The following DDX59 variants were observed in gnomAD, a reference collection of about 807,000 sequenced individuals.
DDX59 encodes DEAD-box helicase 59.
Under a neutral mutation model 51.9 loss-of-function variants are expected in DDX59, and 30 were observed. The observed-to-expected ratio is 0.58, with a 90% CI of 0.43 to 0.78. DDX59 has a LOEUF of 0.78. Ranked by LOEUF, DDX59 falls within the 30% of genes least tolerant of loss-of-function variation. The pLI is 0.00. For synonymous variants in DDX59, 255 were observed against 253.3 expected, an observed-to-expected ratio of 1.01 and a Z score of -0.06; for missense variants, 672 against 730.8, an observed-to-expected ratio of 0.92 and a Z score of 0.93.
chr1:200,661,579 T>TA (rs1295153590), intron 3 of DDX59, among the ~76,000 whole-genome samples: 2 of 152,206 alleles, frequency 1.3e-5, no homozygotes, highest in East Asian at 3.8e-4. Flanking sequence ...AAGTGGCTTG[T>TA]AAACCTTAAA....
Position 200,650,585 on chromosome 1 carries a change from G to A in DDX59, c.1154C>T (p.Ala385Val). The A allele has an allele frequency of 1.9e-6, 3 of 1,613,974 alleles. No homozygotes were observed. The highest frequency in any genetic ancestry group is 2.5e-6 in the Non-Finnish European group (3 of 1,179,954). The part of the protein sequence containing the change: ...PNDCQTILVS[A>V]TIPTSIEQLA... ...CTGTTCTATGCTAGTTGGAATTGTG[G>A]CTGAAACCAAAATGGTCTGACAATC... The change falls in exon 5 of 8, where the codon GCC becomes GTC. Residue 385 changes from alanine to valine, a missense_variant. Coordinates refer to ENST00000331314, the MANE Select transcript of DDX59 (RefSeq NM_001031725.6).
At chr1:200,657,497 C>A (rs1011654414) in intron 4 of DDX59, among the ~76,000 whole-genome samples, 14 of 152,084 alleles carry the variant, frequency 9.2e-5, no homozygotes, top group African/African-American at 3.4e-4. Context: ...CACCTGTAAT[C>A]CCAGCACCTT....
intron 3 of DDX59, among the ~76,000 whole-genome samples, chr1:200,661,950 T>C (rs1662401825): frequency 6.6e-6 from 1 of 152,106 alleles, no homozygotes; most frequent in African/African-American, 2.4e-5. Context: ...TCATGATAGT[T>C]CTTGTGAGAT....
At chr1:200,662,337 GA>G (rs1009515880) in intron 3 of DDX59, among the ~76,000 whole-genome samples, 8 of 151,734 alleles carry the variant, frequency 5.3e-5, no homozygotes, top group African/African-American at 1.2e-4. Context: ...GGTTTGGGAG[GA>G]AAAAAAAGTT....
chr1:200,641,180 A>C (rs1484460885), downstream of DDX59: 1 of 1,304,744 alleles, frequency 7.7e-7, no homozygotes, highest in Admixed American at 2.3e-5. Flanking sequence ...GATTGTGGTG[A>C]GTAGACTGTA....
chr1:200,662,638 T>C (rs542680534), intron 3 of DDX59, among the ~76,000 whole-genome samples: 3 of 152,286 alleles, frequency 2.0e-5, no homozygotes, highest in African/African-American at 7.2e-5. Context: ...CCTGGGCAAC[T>C]AGAGACTAAC....
At chr1:200,654,142 G>A (rs535445829) in intron 4 of DDX59, among the ~76,000 whole-genome samples, 1 of 152,204 alleles carries the variant, frequency 6.6e-6, no homozygotes, top group Non-Finnish European at 1.5e-5. Context: ...GGCCGGGCGT[G>A]GTGGCTCAAG....
At chr1:200,668,849 A>G (rs1321731878) in intron 1 of DDX59, among the ~76,000 whole-genome samples, 1 of 152,220 alleles carries the variant, frequency 6.6e-6, no homozygotes, top group Non-Finnish European at 1.5e-5. Flanking sequence ...TAGCCTGAAC[A>G]TTCCTTTTTA....
rs1244486206 is a variant in DDX59, at chr1:200,666,170, T to C, written c.571A>G (p.Ile191Val). 2 of 1,614,188 alleles carry C rather than the reference T, an allele frequency of 1.2e-6. No homozygotes were observed. Among genetic ancestry groups the C allele is most frequent in the Non-Finnish European group, 8.5e-7 (1 of 1,180,026 alleles). ...GTGACTTCTTGCCCTTGAACTAAAATTCCCAGCTGCTGTTTAAGATTTTCA... is the reference window on the plus strand; with the variant it reads ...GTGACTTCTTGCCCTTGAACTAAAACTCCCAGCTGCTGTTTAAGATTTTCA... ...QIENLKQQLGILVQGQEVTRP... is the reference protein window; with the variant it reads ...QIENLKQQLGVLVQGQEVTRP... Residue 191 changes from isoleucine to valine, a missense_variant, in exon 2 of 8, where the codon ATT becomes GTT. Transcript: ENST00000331314.
chr1:200,651,137 T>C (rs765496928), intron 4 of DDX59, among the ~76,000 whole-genome samples: 6 of 152,158 alleles, frequency 3.9e-5, no homozygotes, highest in Non-Finnish European at 7.3e-5. Flanking sequence ...AAATTGCTAA[T>C]ACCAGGGAGA....
At chr1:200,646,151 T>TA (rs1558112564) in intron 7 of DDX59, among the ~76,000 whole-genome samples, 2 of 152,012 alleles carry the variant, frequency 1.3e-5, no homozygotes, top group East Asian at 3.9e-4. Context: ...CAGGGCAACA[T>TA]AGCAATACCC....
chr1:200,645,893 G>T (rs894282635), intron 7 of DDX59, among the ~76,000 whole-genome samples: 2 of 152,098 alleles, frequency 1.3e-5, no homozygotes, highest in African/African-American at 4.8e-5. Context: ...TTGTTTTTCA[G>T]TAACAGCTTT....
At position 200,650,555 on chromosome 1, in the gene DDX59, G is replaced by A. The variant is rs554889172; in HGVS notation, c.1184C>T (p.Ala395Val). The A allele has an allele frequency of 1.9e-6, 3 of 1,614,064 alleles. No individual in the cohort carries two copies. Among genetic ancestry groups the A allele is most frequent in the South Asian group, 2.2e-5 (2 of 91,078 alleles). The change falls in exon 5 of 8, where the codon GCA becomes GTA. Residue 395 changes from alanine to valine, a missense_variant. By Grantham distance (64) the Ala-to-Val change is moderately conservative. Transcript: ENST00000331314. Reference sequence around the variant, plus strand: ...CACAGGATTATGCAGAAGCTGGCTTGCTAGCTGTTCTATGCTAGTTGGAAT... The same window carrying A: ...CACAGGATTATGCAGAAGCTGGCTTACTAGCTGTTCTATGCTAGTTGGAAT... ...ATIPTSIEQL[A>V]SQLLHNPVRI...
chr1:200,655,924 G>A (rs571545700), intron 4 of DDX59, among the ~76,000 whole-genome samples: 3 of 151,806 alleles, frequency 2.0e-5, no homozygotes, highest in African/African-American at 7.3e-5. Context: ...TCCACCTCCC[G>A]GGTTCAAGCG....
Position 200,659,063 on chromosome 1 carries a change from T to G in DDX59, c.1026A>C (p.Val342=). Residue 342 remains valine (V), a synonymous_variant, in exon 4 of 8, where the codon GTA becomes GTC. Coordinates refer to ENST00000331314, the MANE Select transcript of DDX59 (RefSeq NM_001031725.6). The part of the protein sequence containing the change: ...RLLDIIKQSS[V]ELCGVKIVVV... ...CCACAATCTTTACACCACAGAGTTC[T>G]ACAGAGCTCTGCTTTATTATATCCA... 6.2e-7 allele frequency: 1 copy of G among 1,613,878 alleles called. No homozygotes were observed. The highest frequency in any genetic ancestry group is 1.1e-5 in the South Asian group (1 of 91,024).
intron 4 of DDX59, among the ~76,000 whole-genome samples, chr1:200,651,298 G>A (rs939631161): frequency 2.0e-5 from 3 of 152,052 alleles, no homozygotes; most frequent in Admixed American, 6.5e-5. Flanking sequence ...GAACTGTGGT[G>A]ATCCCCCCTA....
At chr1:200,664,809 G>A (rs553332807) in intron 2 of DDX59, among the ~76,000 whole-genome samples, 1 of 152,182 alleles carries the variant, frequency 6.6e-6, no homozygotes, top group East Asian at 1.9e-4. Context: ...CCGAGTAGCT[G>A]GGATTACAGG....
intron 2 of DDX59, among the ~76,000 whole-genome samples, chr1:200,665,680 G>T (rs1662679215): frequency 6.6e-6 from 1 of 152,012 alleles, no homozygotes; most frequent in Admixed American, 6.6e-5. Context: ...CTGTTAAAAA[G>T]AAAATGTTTT....
intron 5 of DDX59, 28 bp from the exon 6 acceptor site, chr1:200,649,254 A>G: frequency 6.6e-7 from 1 of 1,523,628 alleles, no homozygotes. Context: ...TATATCAAAA[A>G]TTATTCATAT....
Sources: gnomAD v4.1 joint callset for allele counts (sites outside exome capture counted in the v4.1 genomes callset) on GRCh38, gnomAD v4.1.1 for gene constraint, MANE v1.5 for transcripts, NCBI Gene and HGNC (gene_info 2026-07-23, HGNC 2026-07-21) for gene names.